Variants in MYO3A observed in about 807,000 individuals in gnomAD.
The protein encoded by MYO3A is myosin-IIIa.
Under a neutral mutation model 192.7 loss-of-function variants are expected in MYO3A, and 180 were observed. The ratio of observed to expected loss-of-function variants is 0.93; its 90% CI spans 0.83 to 1.06. MYO3A has a LOEUF of 1.06. Ranked by LOEUF, MYO3A falls within the 50% of genes least tolerant of loss-of-function variation. The pLI is 0.00. For missense variants in MYO3A, 1,896 were observed against 1,905.0 expected, an observed-to-expected ratio of 1.00 and a Z score of 0.09; for synonymous variants, 628 against 645.3, an observed-to-expected ratio of 0.97 and a Z score of 0.41.
At chr10:26,210,201 T>C (rs1385756615) in intron 34 of MYO3A, among the ~76,000 whole-genome samples, 1 of 152,176 alleles carries the variant, frequency 6.6e-6, no homozygotes, top group Non-Finnish European at 1.5e-5. Flanking sequence ...GTACTTAAAA[T>C]TTGTGAACTG....
chr10:26,196,518 A>G (rs1382241462), intron 32 of MYO3A, among the ~76,000 whole-genome samples: 1 of 152,246 alleles, frequency 6.6e-6, no homozygotes, highest in Non-Finnish European at 1.5e-5. Context: ...TATGACTTCA[A>G]TGAAAAATAA....
At chr10:26,144,992 A>G (rs1840367357) in intron 21 of MYO3A, among the ~76,000 whole-genome samples, 1 of 152,156 alleles carries the variant, frequency 6.6e-6, no homozygotes, top group South Asian at 2.1e-4. Context: ...CCTGGCCAAC[A>G]TGGCAAAACC....
At chr10:26,088,078 A>G (rs1836453054) in intron 14 of MYO3A, 125 bp from the exon 15 acceptor site, 3 of 754,912 alleles carry the variant, frequency 4.0e-6, no homozygotes, top group Non-Finnish European at 4.2e-6. Context: ...ACATCTGCCA[A>G]TATATCAGGA....
At chr10:25,947,882 C>T (rs570387198) in intron 2 of MYO3A, among the ~76,000 whole-genome samples, 1 of 152,228 alleles carries the variant, frequency 6.6e-6, no homozygotes, top group Non-Finnish European at 1.5e-5. Flanking sequence ...ACAAACATTT[C>T]AGGCCTCAAG....
chr10:26,023,979 C>G, intron 8 of MYO3A, 43 bp from the exon 9 acceptor site: 4 of 1,552,410 alleles, frequency 2.6e-6, no homozygotes, highest in Non-Finnish European at 3.6e-6. Context: ...TTTACACTGA[C>G]TGACCAATAT....
chr10:26,194,810 G>A (rs964114671), intron 32 of MYO3A, among the ~76,000 whole-genome samples: 4 of 152,114 alleles, frequency 2.6e-5, no homozygotes, highest in Non-Finnish European at 4.4e-5. Context: ...AGATCTCTCT[G>A]TAGCTCCAGA....
At chr10:26,057,690 A>G (rs1366887850) in intron 10 of MYO3A, among the ~76,000 whole-genome samples, 1 of 152,236 alleles carries the variant, frequency 6.6e-6, no homozygotes, top group Non-Finnish European at 1.5e-5. Flanking sequence ...GTGACCACAA[A>G]TAAGCAACAC....
Position 26,145,450 on chromosome 10 carries a change from A to AT in MYO3A, c.2424dup (p.Glu809Ter). On this transcript the variant is annotated frameshift_variant, in exon 22 of 35. Transcript: ENST00000642920. LOFTEE classifies it high-confidence loss of function. The stretch of plus-strand genomic sequence containing the variant: ...GAGTTCAGTATTTTTCTACAGAAAA[A>AT]TTTGAAGGTAACCTGAAATCACAAT... The AT allele has an allele frequency of 6.3e-7, 1 of 1,597,040 alleles. No individual in the cohort carries two copies. The highest frequency in any genetic ancestry group is 8.6e-7 in the Non-Finnish European group (1 of 1,164,556).
At chr10:26,107,885 A>G (rs1173663264) in intron 17 of MYO3A, among the ~76,000 whole-genome samples, 1 of 151,924 alleles carries the variant, frequency 6.6e-6, no homozygotes, top group Non-Finnish European at 1.5e-5. Flanking sequence ...TGTCTGTATT[A>G]TTGGTTTTAA....
intron 2 of MYO3A, among the ~76,000 whole-genome samples, chr10:25,937,596 G>A (rs1836173834): frequency 6.6e-6 from 1 of 152,126 alleles, no homozygotes; most frequent in African/African-American, 2.4e-5. Flanking sequence ...ATGATCTGGT[G>A]ACTTAAAGTT....
intron 27 of MYO3A, among the ~76,000 whole-genome samples, chr10:26,168,023 A>C (rs1316977768): frequency 6.6e-6 from 1 of 152,244 alleles, no homozygotes; most frequent in Non-Finnish European, 1.5e-5. Flanking sequence ...GAACACGCCA[A>C]GCCTTCTGGC....
chr10:26,100,090 C>G (rs1463274128), intron 17 of MYO3A, among the ~76,000 whole-genome samples: 2 of 151,802 alleles, frequency 1.3e-5, no homozygotes, highest in Non-Finnish European at 2.9e-5. Context: ...AATTTCAAAG[C>G]CCGTTGGTCT....
At chr10:26,046,348 G>A (rs1370976842) in intron 10 of MYO3A, among the ~76,000 whole-genome samples, 1 of 152,146 alleles carries the variant, frequency 6.6e-6, no homozygotes, top group Non-Finnish European at 1.5e-5. Flanking sequence ...GATGCATTGA[G>A]AAAAAACTAC....
intron 6 of MYO3A, among the ~76,000 whole-genome samples, chr10:26,014,767 T>C (rs942656541): frequency 4.6e-5 from 7 of 152,188 alleles, no homozygotes; most frequent in African/African-American, 1.7e-4. Context: ...TATATTTTTA[T>C]AGTTTCAGTT....
At chr10:26,043,954 A>G (rs1309068523) in intron 10 of MYO3A, among the ~76,000 whole-genome samples, 1 of 152,128 alleles carries the variant, frequency 6.6e-6, no homozygotes, top group African/African-American at 2.4e-5. Context: ...TCTGAGTCTC[A>G]CCCAAGGCCC....
intron 23 of MYO3A, among the ~76,000 whole-genome samples, chr10:26,151,326 G>T (rs752722231): frequency 1.8e-4 from 27 of 150,266 alleles, no homozygotes; most frequent in Non-Finnish European, 3.3e-4. Context: ...TTCAGTTTTT[G>T]CTCATGTATT....
chr10:26,210,641 C>T (rs1164323355), intron 34 of MYO3A, among the ~76,000 whole-genome samples: 4 of 152,242 alleles, frequency 2.6e-5, no homozygotes, highest in African/African-American at 9.6e-5. Flanking sequence ...TTCAATGTTT[C>T]TCTCACTGTG....
In MYO3A at chr10:26,211,868, A is replaced by AAGG. The variant is rs1564650453; in HGVS notation, c.4765_4767dup (p.Glu1589dup). ...GTGCTGGGCGGCGGAGAGCCCCGAG[A>AAGG]AGGAGGAGGAGAGAGAGCCAGCAGC... On this transcript the variant is annotated inframe_insertion, in exon 35 of 35. Coordinates refer to ENST00000642920, the MANE Select transcript of MYO3A (RefSeq NM_017433.5). The AAGG allele has an allele frequency of 6.2e-7, 1 of 1,613,948 alleles. No homozygotes were observed. The highest frequency in any genetic ancestry group is 8.5e-7 in the Non-Finnish European group (1 of 1,179,978).
chr10:26,057,719 A>G (rs942523813), intron 10 of MYO3A, among the ~76,000 whole-genome samples: 9 of 152,240 alleles, frequency 5.9e-5, no homozygotes, highest in African/African-American at 2.2e-4. Flanking sequence ...AAGAGAAGTC[A>G]ATGGCTAATT....
Sources: allele counts gnomAD v4.1 joint callset (sites outside exome capture counted in the v4.1 genomes callset), GRCh38; gene constraint gnomAD v4.1.1; transcripts MANE v1.5; gene names NCBI Gene and HGNC (gene_info 2026-07-23, HGNC 2026-07-21).